GPR158: variants seen among roughly 807,000 people sequenced by gnomAD.
The protein encoded by GPR158 is metabotropic glycine receptor.
A neutral mutation model predicts 78.2 loss-of-function variants in GPR158; 30 were observed. The ratio of observed to expected loss-of-function variants is 0.38; its 90% CI spans 0.29 to 0.52. The LOEUF is 0.52. GPR158 is among the 20% of genes least tolerant of loss of function. The probability of loss-of-function intolerance (pLI) is 0.83; values close to 1 mark genes in which losing one functional copy is unlikely to be tolerated. For synonymous variants in GPR158, 581 were observed against 591.1 expected (o/e 0.98, Z 0.25); for missense variants, 1,463 against 1,523.5 (o/e 0.96, Z 0.66).
At chr10:25,275,891 A>G (rs1468109114) in intron 2 of GPR158, among the ~76,000 whole-genome samples, 1 of 152,150 alleles carries the variant, frequency 6.6e-6, no homozygotes, top group African/African-American at 2.4e-5. Flanking sequence ...TGACTCCCAG[A>G]GCACTGATGT....
chr10:25,389,628 A>G (rs1285939649), intron 2 of GPR158, among the ~76,000 whole-genome samples: 2 of 152,216 alleles, frequency 1.3e-5, no homozygotes, highest in Admixed American at 1.3e-4. Flanking sequence ...TGGGGCTAAA[A>G]AAGCTGTAAC....
intron 5 of GPR158, among the ~76,000 whole-genome samples, chr10:25,478,872 A>G (rs1000750514): frequency 2.9e-5 from 4 of 137,274 alleles, no homozygotes; most frequent in Non-Finnish European, 6.0e-5. Flanking sequence ...TCCAGTTCCC[A>G]CCTATGAGTG....
chr10:25,241,414 T>TCTTCTCTTCTCTTCTCTTCTCTTCTCTTC (rs1564399847), intron 2 of GPR158, among the ~76,000 whole-genome samples: 5 of 54,962 alleles, frequency 9.1e-5, no homozygotes, highest in African/African-American at 1.5e-4. Context: ...CTCTTCTCTT[T>TCTTCTCTTCTCTTCTCTTCTCTTCTCTTC]TCTTTTCTTT....
chr10:25,396,130 T>C (rs1834359996), intron 3 of GPR158, 117 bp downstream of exon 3: 9 of 544,400 alleles, frequency 1.7e-5, no homozygotes, highest in Non-Finnish European at 2.9e-5. Context: ...TGGTTTGGCA[T>C]TCTTTCATCA....
At chr10:25,180,817 T>G (rs1444241535) in intron 1 of GPR158, among the ~76,000 whole-genome samples, 2 of 151,018 alleles carry the variant, frequency 1.3e-5, no homozygotes, top group Non-Finnish European at 2.9e-5. Context: ...GAGAGTCTCA[T>G]GCAGAGGAAG....
chr10:25,476,861 C>T (rs1835593022), intron 5 of GPR158, among the ~76,000 whole-genome samples: 1 of 152,054 alleles, frequency 6.6e-6, no homozygotes, highest in Admixed American at 6.6e-5. Context: ...TGACTGAAAC[C>T]AGGAATCAAT....
At chr10:25,436,700 A>T (rs1835002516) in intron 4 of GPR158, among the ~76,000 whole-genome samples, 1 of 152,216 alleles carries the variant, frequency 6.6e-6, no homozygotes, top group African/African-American at 2.4e-5. Flanking sequence ...TTATTGGGAA[A>T]CTTAGCAGTA....
chr10:25,217,567 T>A (rs1032876924), intron 1 of GPR158, among the ~76,000 whole-genome samples: 6 of 152,178 alleles, frequency 3.9e-5, no homozygotes, highest in Non-Finnish European at 8.8e-5. Context: ...ATGCTAGTAT[T>A]AAATTTGTTT....
intron 2 of GPR158, among the ~76,000 whole-genome samples, chr10:25,392,413 G>T (rs74126025): frequency 0.06 from 9,142 of 152,308 alleles, 617 homozygotes; most frequent in African/African-American, 0.17. Flanking sequence ...AGGCTGAGTG[G>T]GCATAATGTG....
intron 1 of GPR158, among the ~76,000 whole-genome samples, chr10:25,210,544 A>AT (rs34283056): frequency 1.2e-4 from 18 of 151,338 alleles, no homozygotes; most frequent in African/African-American, 2.4e-4. Context: ...CTTTCTAAAT[A>AT]TTTTTTTTTG....
At chr10:25,281,279 T>A (rs112835589) in intron 2 of GPR158, among the ~76,000 whole-genome samples, 78 of 151,598 alleles carry the variant, frequency 5.1e-4, no homozygotes, top group African/African-American at 1.7e-3. Context: ...AAAAATACAG[T>A]TAGGCTGGAT....
At chr10:25,512,182 A>T (rs1489154496) in intron 5 of GPR158, among the ~76,000 whole-genome samples, 5 of 152,138 alleles carry the variant, frequency 3.3e-5, no homozygotes, top group Middle Eastern at 3.4e-3. Context: ...ATGTGTTTCC[A>T]TTTGTTTGTG....
chr10:25,597,924 C>A lies in GPR158; in HGVS notation c.2298C>A (p.Ser766Arg). Residue 766 changes from serine to arginine, a missense_variant, in exon 11 of 11, where the codon AGC becomes AGA. Ser to Arg is a moderately radical substitution (Grantham distance 110). Coordinates refer to ENST00000376351, the MANE Select transcript of GPR158 (RefSeq NM_020752.3). ...RRITEIPETV[S>R]RQCSKEDKEG... is the part of the protein sequence containing the mutation. The stretch of plus-strand genomic sequence containing the variant: ...TTACGGAGATCCCAGAGACAGTCAG[C>A]CGGCAGTGCTCTAAAGAGGACAAGG... 2 of 1,612,310 alleles carry A rather than the reference C, an allele frequency of 1.2e-6. No homozygotes were observed. The highest frequency in any genetic ancestry group is 1.7e-6 in the Non-Finnish European group (2 of 1,179,104).
chr10:25,579,870 A>G (rs985859488), intron 7 of GPR158, among the ~76,000 whole-genome samples: 5 of 152,214 alleles, frequency 3.3e-5, no homozygotes, highest in African/African-American at 1.2e-4. Flanking sequence ...GCTTCTATTC[A>G]TCCTCTATCA....
intron 2 of GPR158, among the ~76,000 whole-genome samples, chr10:25,382,096 A>G (rs1628986): frequency 0.66 from 100,550 of 152,102 alleles, 34,324 homozygotes; most frequent in Non-Finnish European, 0.75. Context: ...TAGAGCATAG[A>G]TGCATCATAG....
At chr10:25,270,832 C>T (rs575572803) in intron 2 of GPR158, among the ~76,000 whole-genome samples, 1 of 152,294 alleles carries the variant, frequency 6.6e-6, no homozygotes, top group East Asian at 1.9e-4. Flanking sequence ...GATCTCTTTA[C>T]ATCCATTATT....
chr10:25,502,911 C>T (rs752672670), intron 5 of GPR158, among the ~76,000 whole-genome samples: 27 of 152,252 alleles, frequency 1.8e-4, no homozygotes, highest in Middle Eastern at 3.4e-3. Flanking sequence ...CTCAGCAATT[C>T]CATAGAAAGT....
chr10:25,470,240 T>C (rs953365178), intron 5 of GPR158, among the ~76,000 whole-genome samples: 8 of 152,304 alleles, frequency 5.3e-5, no homozygotes, highest in African/African-American at 1.9e-4. Context: ...TCTGACCATG[T>C]ACTCCAAAAT....
At chr10:25,579,240 C>A (rs1022528992) in intron 7 of GPR158, among the ~76,000 whole-genome samples, 10 of 151,166 alleles carry the variant, frequency 6.6e-5, no homozygotes, top group African/African-American at 2.2e-4. Context: ...TCACATTAAA[C>A]TTGTCATATT....
Sources: allele counts gnomAD v4.1 joint callset (sites outside exome capture counted in the v4.1 genomes callset), GRCh38; gene constraint gnomAD v4.1.1; transcripts MANE v1.5; gene names NCBI Gene and HGNC (gene_info 2026-07-23, HGNC 2026-07-21).